CEBPZ: variants seen among roughly 807,000 people sequenced by gnomAD.
CEBPZ encodes CCAAT enhancer binding protein zeta, also known as CCAAT/enhancer-binding protein zeta.
CEBPZ carries 78 observed loss-of-function variants against 104.5 expected under a neutral mutation model. That is an observed-to-expected ratio of 0.75 (90% CI 0.62 to 0.90). The LOEUF (loss-of-function observed/expected upper bound fraction) is 0.90. CEBPZ is among the 40% of genes least tolerant of loss of function. CEBPZ has a pLI of 0.00. For synonymous variants in CEBPZ, 470 were observed against 427.0 expected (o/e 1.10, Z -1.24); for missense variants, 1,439 against 1,233.5 (o/e 1.17, Z -2.50).
intron 5 of CEBPZ, among the ~76,000 whole-genome samples, chr2:37,217,774 T>G (rs1409305728): frequency 6.8e-6 from 1 of 148,104 alleles, no homozygotes; most frequent in African/African-American, 2.5e-5. Context: ...TGGTGGCGGG[T>G]GCCTGTAGTC....
chr2:37,225,165 A>T (rs965153324), intron 2 of CEBPZ, among the ~76,000 whole-genome samples: 3 of 152,230 alleles, frequency 2.0e-5, no homozygotes, highest in African/African-American at 7.2e-5. Context: ...ATTACTTCAA[A>T]GAGTTGTGGA....
intron 8 of CEBPZ, 90 bp downstream of exon 8, chr2:37,216,050 T>C: frequency 1.0e-6 from 1 of 989,368 alleles, no homozygotes; most frequent in Non-Finnish European, 1.5e-6. Flanking sequence ...CAGGTTTTAT[T>C]CTGATAAATT....
At chr2:37,212,623 T>C (rs1281056601) in intron 10 of CEBPZ, 6 of 534,040 alleles carry the variant, frequency 1.1e-5, no homozygotes, top group Admixed American at 7.3e-5. Context: ...ATTTCGGCTC[T>C]TTCTACAGTT....
chr2:37,207,799 A>G (rs540185942), intron 13 of CEBPZ, among the ~76,000 whole-genome samples: 1 of 152,322 alleles, frequency 6.6e-6, no homozygotes, highest in South Asian at 2.1e-4. Context: ...GAAATAACAA[A>G]TATCAGAGCA....
At chr2:37,216,924 G>T in intron 6 of CEBPZ, 60 bp downstream of exon 6, 1 of 1,342,446 alleles carries the variant, frequency 7.4e-7, no homozygotes, top group South Asian at 1.2e-5. Context: ...ACCAATTATT[G>T]ATTATCTAAA....
chr2:37,208,536 A>C (rs1448896200), intron 13 of CEBPZ, among the ~76,000 whole-genome samples: 1 of 152,210 alleles, frequency 6.6e-6, no homozygotes, highest in Non-Finnish European at 1.5e-5. Context: ...AATTAAAAAC[A>C]AAAATCATAT....
At chr2:37,222,618 A>C in intron 3 of CEBPZ, 55 bp from the exon 4 acceptor site, 1 of 1,300,512 alleles carries the variant, frequency 7.7e-7, no homozygotes. Flanking sequence ...GTTGCAATAA[A>C]GTCTGTGCTC....
intron 13 of CEBPZ, chr2:37,209,915 G>A (rs1190820750): frequency 5.3e-5 from 8 of 151,952 alleles, no homozygotes. Flanking sequence ...AATCTATAAG[G>A]AACTCAAAAA....
Position 37,231,446 on chromosome 2 carries a change from G to T in CEBPZ, c.122C>A (p.Ser41Tyr). ...DNTSEAENGFSLEEVLRLGGT... is the reference protein window; with the variant it reads ...DNTSEAENGFYLEEVLRLGGT... ...TCCGAGCCGTAACACTTCCTCCAGG[G>T]AGAACCCATTCTCGGCTTCACTAGT... Residue 41 changes from serine (S) to tyrosine (Y), a missense_variant, in exon 1 of 16, where the codon TCC becomes TAC. Transcript: ENST00000234170. 6.2e-7 allele frequency: 1 copy of T among 1,614,184 alleles called. No individual in the cohort carries two copies. Among genetic ancestry groups the T allele is most frequent in the Non-Finnish European group, 8.5e-7 (1 of 1,180,032 alleles).
At chr2:37,204,076 T>C (rs1677421236) in intron 13 of CEBPZ, 1 of 150,852 alleles carries the variant, frequency 6.6e-6, no homozygotes, top group South Asian at 2.1e-4. Context: ...AGGTGATATG[T>C]ATGTTACTTA....
intron 1 of CEBPZ, among the ~76,000 whole-genome samples, chr2:37,230,202 G>T (rs991424570): frequency 2.0e-5 from 3 of 152,090 alleles, no homozygotes; most frequent in African/African-American, 7.2e-5. Flanking sequence ...GATATAGAAG[G>T]ATTTCTAAGA....
intron 8 of CEBPZ, chr2:37,215,526 CT>C (rs943479618): frequency 1.3e-5 from 2 of 152,258 alleles, no homozygotes; most frequent in Non-Finnish European, 2.9e-5. Flanking sequence ...TGGGTAAGTC[CT>C]TTTACATCTC....
At chr2:37,230,062 C>T (rs1298137138) in intron 1 of CEBPZ, among the ~76,000 whole-genome samples, 1 of 152,090 alleles carries the variant, frequency 6.6e-6, no homozygotes, top group African/African-American at 2.4e-5. Flanking sequence ...AGGTTATTAA[C>T]TGTAGTATTA....
At chr2:37,213,212 T>C (rs10779921) in intron 10 of CEBPZ, among the ~76,000 whole-genome samples, 95,825 of 152,020 alleles carry the variant, frequency 0.63, 30,796 homozygotes, top group East Asian at 0.97. Flanking sequence ...CAGTAGACTA[T>C]TGCTATCAAT....
At chr2:37,215,269 A>G in intron 8 of CEBPZ, 1 of 196,052 alleles carries the variant, frequency 5.1e-6, no homozygotes, top group Non-Finnish European at 1.0e-5. Flanking sequence ...GAGAAATAAA[A>G]AATTCAAAGA....
At position 37,207,889 on chromosome 2, in the gene CEBPZ, G is replaced by A. The variant is rs535926382; in HGVS notation, c.2884+3110C>T. Among the ~76,000 whole-genome samples, 497 of 151,928 alleles carry A rather than the reference G, an allele frequency of 3.3e-3. 4 individuals carry two copies. The highest frequency in any genetic ancestry group is 0.012 in the African/African-American group (479 of 41,436). ...GTTCTGTGGAAAAATAAAGAAAATCGGTAGACCATTAGCAAGATTAACCAA... is the reference window on the plus strand; with the variant it reads ...GTTCTGTGGAAAAATAAAGAAAATCAGTAGACCATTAGCAAGATTAACCAA... On this transcript the variant is annotated intron_variant, in intron 13 of 15. Coordinates refer to ENST00000234170, the MANE Select transcript of CEBPZ (RefSeq NM_005760.3).
chr2:37,211,108 A>T, intron 12 of CEBPZ, 26 bp from the exon 13 acceptor site: 1 of 1,500,256 alleles, frequency 6.7e-7, no homozygotes. Flanking sequence ...ATTTGCTAAT[A>T]AGCAATTTAA....
chr2:37,209,663 T>C (rs1677656594), intron 13 of CEBPZ: 1 of 152,138 alleles, frequency 6.6e-6, no homozygotes, highest in Admixed American at 6.6e-5. Flanking sequence ...GACTTAAAGA[T>C]AAGACCTGAA....
intron 1 of CEBPZ, among the ~76,000 whole-genome samples, chr2:37,230,673 G>A (rs1665046692): frequency 6.6e-6 from 1 of 151,978 alleles, no homozygotes; most frequent in Non-Finnish European, 1.5e-5. Context: ...CTGACCCCTC[G>A]GCCCTCCTTT....
Sources: allele counts gnomAD v4.1 joint callset (sites outside exome capture counted in the v4.1 genomes callset), GRCh38; gene constraint gnomAD v4.1.1; transcripts MANE v1.5; gene names NCBI Gene and HGNC (gene_info 2026-07-23, HGNC 2026-07-21).